REM2: variants seen among roughly 807,000 people sequenced by gnomAD.
REM2 encodes GTP-binding protein REM 2.
A neutral mutation model predicts 24.4 loss-of-function variants in REM2; 24 were observed. The ratio of observed to expected loss-of-function variants is 0.98; its 90% CI spans 0.71 to 1.38. The LOEUF is 1.38. REM2 is among the 40% of genes most tolerant of loss of function. The pLI, the probability that REM2 is intolerant of heterozygous loss-of-function variation, is 0.00. For synonymous variants in REM2, 187 were observed against 198.0 expected (o/e 0.94, Z 0.47); for missense variants, 429 against 467.8 (o/e 0.92, Z 0.77).
rs1023612275 is a variant in REM2, at chr14:22,886,530, C to T, written c.728-84C>T. The T allele has an allele frequency of 7.1e-6, 9 of 1,273,320 alleles. No individual in the cohort carries two copies. The Admixed American group carries it at 2.0e-4, about 29-fold the overall frequency. 78.9% of individuals were successfully genotyped at this position (1,273,320 alleles called of 1,614,324 possible). ...TTCACTAGTACCAATCCCTTGCCAC[C>T]GCACGCCCAGGCCCTCCCTAGACCC... is the stretch of plus-strand genomic sequence containing the variant. On this transcript the variant is annotated intron_variant, in intron 4 of 4. Coordinates refer to ENST00000267396, the MANE Select transcript of REM2 (RefSeq NM_173527.3). The surrounding 1 kb of genome is among the most constrained non-coding windows in gnomAD (Gnocchi z 5.9).
intron 1 of REM2, among the ~76,000 whole-genome samples, chr14:22,883,783 G>A (rs535856938): frequency 1.3e-5 from 2 of 152,204 alleles, no homozygotes; most frequent in South Asian, 4.1e-4. Flanking sequence ...GGAGGCCCTG[G>A]CTGCTGGCCA....
At position 22,884,696 on chromosome 14, in the gene REM2, G is replaced by A. The variant is rs769063348; in HGVS notation, c.126G>A (p.Lys42=). ...TAGAAGCAGATGCCACGCTACTAAAGAAGTCAGAGAAACTGTTGGCAGAGT... is the reference window on the plus strand; with the variant it reads ...TAGAAGCAGATGCCACGCTACTAAAAAAGTCAGAGAAACTGTTGGCAGAGT... ...PTPEADATLL[K]KSEKLLAELD... is the part of the protein sequence containing the mutation. Residue 42 remains lysine, a synonymous_variant, in exon 2 of 5, where the codon AAG becomes AAA. Transcript: ENST00000267396. The A allele has an allele frequency of 1.1e-5, 17 of 1,608,406 alleles. No individual in the cohort carries two copies. Among genetic ancestry groups the A allele is most frequent in the Admixed American group, 1.7e-5 (1 of 58,188 alleles).
At position 22,887,450 on chromosome 14, in the gene REM2, CCTTTAAGG is replaced by C. The variant is rs2040142073; in HGVS notation, c.*542_*549del. On this transcript the variant is annotated 3_prime_UTR_variant, in exon 5 of 5. Coordinates refer to ENST00000267396, the MANE Select transcript of REM2 (RefSeq NM_173527.3). Reference sequence around the variant, plus strand: ...TCTGGTGCGGCATGTGTCCACTTTGCCTTTAAGGAGTTCTTAAAGGCAAGGGCCTGGAA... The same window carrying C: ...TCTGGTGCGGCATGTGTCCACTTTGCAGTTCTTAAAGGCAAGGGCCTGGAA... 2 of 152,136 alleles carry C rather than the reference CCTTTAAGG, an allele frequency of 1.3e-5. No homozygotes were observed. Among genetic ancestry groups the C allele is most frequent in the East Asian group, 1.9e-4 (1 of 5,188 alleles). The allele number at this position is 152,136 out of a possible 1,614,324, so 9.4% of individuals were successfully genotyped here. A position where few individuals can be genotyped will look rare whatever the true frequency, so the allele number is the denominator to read the frequency against.
At position 22,884,707 on chromosome 14, in the gene REM2, A is replaced by G. The variant is rs1176503849; in HGVS notation, c.137A>G (p.Lys46Arg). The G allele has an allele frequency of 6.2e-7, 1 of 1,608,972 alleles. No homozygotes were observed. The highest frequency in any genetic ancestry group is 1.3e-5 in the African/African-American group (1 of 74,688). ...GCCACGCTACTAAAGAAGTCAGAGAAACTGTTGGCAGAGTTGGACCGGAGC... is the reference window on the plus strand; with the variant it reads ...GCCACGCTACTAAAGAAGTCAGAGAGACTGTTGGCAGAGTTGGACCGGAGC... ...ADATLLKKSE[K>R]LLAELDRSGL... Residue 46 changes from lysine to arginine, a missense_variant, in exon 2 of 5, where the codon AAA becomes AGA. Transcript: ENST00000267396.
At chr14:22,885,910 TCC>T in intron 3 of REM2, 112 bp from the exon 4 acceptor site, 1 of 784,844 alleles carries the variant, frequency 1.3e-6, no homozygotes. Context: ...AGCTCTGCTG[TCC>T]TAAGCAGGTG....
chr14:22,885,327 C>T lies in REM2; in HGVS notation c.507C>T (p.Asp169=), dbSNP rs772024367. Residue 169 remains aspartate, a synonymous_variant, in exon 3 of 5, where the codon GAC becomes GAT. Coordinates refer to ENST00000267396, the MANE Select transcript of REM2 (RefSeq NM_173527.3). The stretch of plus-strand genomic sequence containing the variant: ...AGGAAGTGACTCTAGTCGTTTATGA[C>T]ATCTGGGAACAGGTGAGAACTAAGA... ...DKEEVTLVVY[D]IWEQGDAGGW... The T allele has an allele frequency of 1.9e-6, 3 of 1,612,420 alleles. No individual in the cohort carries two copies. Among genetic ancestry groups the T allele is most frequent in the Non-Finnish European group, 8.5e-7 (1 of 1,178,526 alleles).
chr14:22,884,482 C>G (rs944530417), intron 1 of REM2, 192 bp from the exon 2 acceptor site: 1 of 985,322 alleles, frequency 1.0e-6, no homozygotes, highest in Non-Finnish European at 1.2e-6. Flanking sequence ...ATCATGTCAA[C>G]TCCAGTTCAG....
chr14:22,886,947 C>CCGCGCCCTCCGCT lies in REM2; in HGVS notation c.*42_*54dup, dbSNP rs1245111472. On this transcript the variant is annotated 3_prime_UTR_variant, in exon 5 of 5. Coordinates refer to ENST00000267396, the MANE Select transcript of REM2 (RefSeq NM_173527.3). The surrounding 1 kb of genome is among the most constrained non-coding windows in gnomAD (Gnocchi z 5.9). Reference sequence around the variant, plus strand: ...ATGGCCACTGCGGTCGCCATGGTCACCGCGCCCTCCGCTCGCCCCCCCTCG... The same window carrying CCGCGCCCTCCGCT: ...ATGGCCACTGCGGTCGCCATGGTCACCGCGCCCTCCGCTCGCGCCCTCCGCTCGCCCCCCCTCG... The CCGCGCCCTCCGCT allele has an allele frequency of 2.2e-4, 298 of 1,358,188 alleles. No homozygotes were observed. The African/African-American group carries it at 2.2e-3, about 10-fold the overall frequency. The allele number at this position is 1,358,188 out of a possible 1,614,324, so 84.1% of individuals were successfully genotyped here.
In REM2 at chr14:22,886,142, T is replaced by C; in HGVS notation, c.638T>C (p.Leu213Pro). Residue 213 changes from leucine to proline, a missense_variant, in exon 4 of 5, where the codon CTC becomes CCC. Coordinates refer to ENST00000267396, the MANE Select transcript of REM2 (RefSeq NM_173527.3). This position sits in a 1 kb window ranked among gnomAD's most constrained non-coding sequence, Gnocchi z 5.9. Reference sequence around the variant, plus strand: ...AAAGTTCCAGAGACCCTACTTCGGCTCCGGGCTGGGAGGCCGCACCACGAC... The same window carrying C: ...AAAGTTCCAGAGACCCTACTTCGGCCCCGGGCTGGGAGGCCGCACCACGAC... Reference protein sequence around the residue: ...FSKVPETLLRLRAGRPHHDLP... With the variant: ...FSKVPETLLRPRAGRPHHDLP... 6.2e-7 allele frequency: 1 copy of C among 1,613,958 alleles called. No individual in the cohort carries two copies. Among genetic ancestry groups the C allele is most frequent in the Non-Finnish European group, 8.5e-7 (1 of 1,179,878 alleles).
At position 22,886,139 on chromosome 14, in the gene REM2, G is replaced by A. The variant is rs1423899378; in HGVS notation, c.635G>A (p.Arg212Gln). 6.2e-7 allele frequency: 1 copy of A among 1,613,888 alleles called. No individual in the cohort carries two copies. The highest frequency in any genetic ancestry group is 1.1e-5 in the South Asian group (1 of 91,088). Residue 212 changes from arginine to glutamine, a missense_variant, in exon 4 of 5, where the codon CGG (arginine) becomes CAG (glutamine). Coordinates refer to ENST00000267396, the MANE Select transcript of REM2 (RefSeq NM_173527.3). This position sits in a 1 kb window ranked among gnomAD's most constrained non-coding sequence, Gnocchi z 5.9. ...TCCAAAGTTCCAGAGACCCTACTTC[G>A]GCTCCGGGCTGGGAGGCCGCACCAC... Reference protein sequence around the residue: ...SFSKVPETLLRLRAGRPHHDL... With the variant: ...SFSKVPETLLQLRAGRPHHDL...
At chr14:22,884,296 G>A in intron 1 of REM2, 1 of 985,470 alleles carries the variant, frequency 1.0e-6, no homozygotes, top group Non-Finnish European at 1.2e-6. Flanking sequence ...GATGGAAAAA[G>A]AGGCAGCTTC....
intron 1 of REM2, 117 bp downstream of exon 1, chr14:22,883,507 G>A: frequency 4.5e-6 from 4 of 881,956 alleles, no homozygotes; most frequent in Non-Finnish European, 7.1e-6. Context: ...AAGAGGAGAA[G>A]AGCAATTGAG....
At chr14:22,883,679 GA>G (rs2138803329) in intron 1 of REM2, among the ~76,000 whole-genome samples, 1 of 152,296 alleles carries the variant, frequency 6.6e-6, no homozygotes, top group East Asian at 1.9e-4. Flanking sequence ...GAACAGGCAA[GA>G]AGGAAGGGGA....
chr14:22,883,992 G>A, intron 1 of REM2: 1 of 984,164 alleles, frequency 1.0e-6, no homozygotes, highest in Non-Finnish European at 1.2e-6. Flanking sequence ...GGGACAGACA[G>A]GGATGCAGGA....
In REM2 at chr14:22,884,816, T is replaced by C; in HGVS notation, c.246T>C (p.Ala82=). Residue 82 remains alanine, a synonymous_variant, in exon 2 of 5, where the codon GCT becomes GCC. Coordinates refer to ENST00000267396, the MANE Select transcript of REM2 (RefSeq NM_173527.3). ...PYKHQLRRAQ[A]VDELDWPPQA... ...AGCACCAGCTCCGGCGGGCCCAGGC[T>C]GTAGATGAACTTGACTGGCCACCTC... 2.5e-6 allele frequency: 4 copies of C among 1,614,016 alleles called. No homozygotes were observed. The highest frequency in any genetic ancestry group is 3.4e-6 in the Non-Finnish European group (4 of 1,179,870).
At chr14:22,884,401 T>C (rs2040100272) in intron 1 of REM2, 1 of 985,364 alleles carries the variant, frequency 1.0e-6, no homozygotes, top group African/African-American at 1.7e-5. Flanking sequence ...TATGTGAGCC[T>C]GCATTCAGGT....
At chr14:22,885,139 T>A in intron 2 of REM2, 124 bp downstream of exon 2, 1 of 1,364,398 alleles carries the variant, frequency 7.3e-7, no homozygotes, top group Non-Finnish European at 1.0e-6. Flanking sequence ...ATGCTTTCTG[T>A]GGCAGCCTCC....
chr14:22,886,471 A>G lies in REM2; in HGVS notation c.728-143A>G. 1 of 812,520 alleles carries G rather than the reference A, an allele frequency of 1.2e-6. No homozygotes were observed. The highest frequency in any genetic ancestry group is 2.7e-5 in the East Asian group (1 of 37,350). 50.3% of individuals were successfully genotyped at this position (812,520 alleles called of 1,614,324 possible). A position where few individuals can be genotyped will look rare whatever the true frequency, so the allele number is the denominator to read the frequency against. On this transcript the variant is annotated intron_variant, in intron 4 of 4. Transcript: ENST00000267396. This position sits in a 1 kb window ranked among gnomAD's most constrained non-coding sequence, Gnocchi z 5.9. The stretch of plus-strand genomic sequence containing the variant: ...TCCTTCGCACCTCCACAGACCCACC[A>G]TATGAGCTCAGCCATGTTCTCTCGG...
Position 22,886,914 on chromosome 14 carries a change from C to T in REM2, c.*5C>T, listed in dbSNP as rs1217623037. Reference sequence around the variant, plus strand: ...CACGACCTCTCGGTGCTCTGAGCCGCGGTCGCCATGGCCACTGCGGTCGCC... The same window carrying T: ...CACGACCTCTCGGTGCTCTGAGCCGTGGTCGCCATGGCCACTGCGGTCGCC... On this transcript the variant is annotated 3_prime_UTR_variant, in exon 5 of 5. Transcript: ENST00000267396. The surrounding 1 kb of genome is among the most constrained non-coding windows in gnomAD (Gnocchi z 5.9). 1.0e-5 allele frequency: 15 copies of T among 1,451,458 alleles called. No homozygotes were observed. In the East Asian group the frequency reaches 2.8e-4, roughly 27 times the overall value. 89.9% of individuals were successfully genotyped at this position (1,451,458 alleles called of 1,614,324 possible).
Sources: gnomAD v4.1 joint callset for allele counts (sites outside exome capture counted in the v4.1 genomes callset) on GRCh38, gnomAD v4.1.1 for gene constraint, Gnocchi (gnomAD v3.1) non-coding constraint, MANE v1.5 for transcripts, NCBI Gene and HGNC (gene_info 2026-07-23, HGNC 2026-07-21) for gene names.